TRHDE: variants seen among roughly 807,000 people sequenced by gnomAD.
TRHDE encodes the protein thyrotropin-releasing hormone-degrading ectoenzyme.
Under a neutral mutation model 125.7 loss-of-function variants are expected in TRHDE, and 72 were observed. That is an observed-to-expected ratio of 0.57 (90% CI 0.47 to 0.70). The LOEUF is 0.70. TRHDE is among the 30% of genes least tolerant of loss of function. TRHDE has a pLI of 0.00. For missense variants in TRHDE, 1,110 were observed against 1,327.1 expected (o/e 0.84, Z 2.54); for synonymous variants, 509 against 509.1 (o/e 1.00, Z 0.00).
chr12:72,197,747 C>T (rs1365720906), intron 2 of TRHDE, among the ~76,000 whole-genome samples: 1 of 152,068 alleles, frequency 6.6e-6, no homozygotes, highest in Non-Finnish European at 1.5e-5. Flanking sequence ...ACCATTTCCT[C>T]CTTTGTGTAT....
chr12:72,549,464 T>C (rs1249087939), intron 7 of TRHDE, among the ~76,000 whole-genome samples: 1 of 151,870 alleles, frequency 6.6e-6, no homozygotes, highest in African/African-American at 2.4e-5. Context: ...TCATACTCAA[T>C]CTAAAATGAA....
At position 72,667,827 on chromosome 12, in the gene TRHDE, A is replaced by G. The variant is rs1014479023; in HGVS notation, c.*4632A>G. On this transcript the variant is annotated 3_prime_UTR_variant, in exon 19 of 19. Transcript: ENST00000261180. ...TAATTGGAATATAAATTGGGATGGA[A>G]TTTATCCTTAAGAAAAGCTGTTTAA... 2.6e-5 allele frequency: 4 copies of G among 151,750 alleles called. No individual in the cohort carries two copies. Among genetic ancestry groups the G allele is most frequent in the Non-Finnish European group, 4.4e-5 (3 of 67,754 alleles). The allele number at this position is 151,750 out of a possible 1,614,324, so 9.4% of individuals were successfully genotyped here.
intron 5 of TRHDE, among the ~76,000 whole-genome samples, chr12:72,480,056 C>T (rs1877093684): frequency 6.7e-6 from 1 of 150,312 alleles, no homozygotes; most frequent in South Asian, 2.1e-4. Context: ...TTAATCCAGT[C>T]TATCATTGTT....
intron 7 of TRHDE, among the ~76,000 whole-genome samples, chr12:72,553,782 A>T (rs1869787622): frequency 6.7e-6 from 1 of 148,734 alleles, no homozygotes; most frequent in African/African-American, 2.5e-5. Context: ...TAGTACATAT[A>T]ATTTTCTTTT....
intron 12 of TRHDE, chr12:72,582,258 G>A (rs1871270422): frequency 5.1e-6 from 5 of 983,432 alleles, no homozygotes; most frequent in South Asian, 9.4e-5. Flanking sequence ...AGAAGCCTGG[G>A]AATTCAGCAT....
intron 12 of TRHDE, among the ~76,000 whole-genome samples, chr12:72,592,749 T>A (rs1871742685): frequency 2.0e-5 from 3 of 151,746 alleles, no homozygotes; most frequent in African/African-American, 7.3e-5. Flanking sequence ...TCACTCTTGC[T>A]ACTCAGGCTG....
intron 2 of TRHDE, among the ~76,000 whole-genome samples, chr12:72,209,904 G>A (rs1877740341): frequency 6.6e-6 from 1 of 152,104 alleles, no homozygotes; most frequent in East Asian, 1.9e-4. Context: ...CTGCTTGAAT[G>A]TTTATTATCA....
At chr12:72,253,310 G>A (rs1878727215) in intron 2 of TRHDE, among the ~76,000 whole-genome samples, 2 of 151,964 alleles carry the variant, frequency 1.3e-5, no homozygotes, top group Admixed American at 6.6e-5. Flanking sequence ...TCTGCACACA[G>A]GGACTATTTT....
intron 3 of TRHDE, among the ~76,000 whole-genome samples, chr12:72,385,743 T>C (rs928959797): frequency 2.0e-5 from 3 of 152,164 alleles, no homozygotes; most frequent in Non-Finnish European, 2.9e-5. Context: ...TTGTAGCTAT[T>C]ACATGCTGTA....
chr12:72,392,674 A>G (rs1454366868), intron 3 of TRHDE, among the ~76,000 whole-genome samples: 1 of 152,202 alleles, frequency 6.6e-6, no homozygotes, highest in African/African-American at 2.4e-5. Flanking sequence ...CTTGTTTACT[A>G]AAACAGATGG....
At chr12:72,511,831 G>T (rs1878593005) in intron 6 of TRHDE, among the ~76,000 whole-genome samples, 1 of 152,028 alleles carries the variant, frequency 6.6e-6, no homozygotes, top group African/African-American at 2.4e-5. Flanking sequence ...GTCCATCTCT[G>T]ATTTGGCATT....
intron 5 of TRHDE, among the ~76,000 whole-genome samples, chr12:72,491,045 T>C (rs1443522745): frequency 6.6e-6 from 1 of 151,642 alleles, no homozygotes; most frequent in African/African-American, 2.4e-5. Context: ...GTTAATTTGC[T>C]TCACTATAGT....
At chr12:72,256,497 AC>A (rs986895011) in intron 2 of TRHDE, 2 of 151,340 alleles carry the variant, frequency 1.3e-5, no homozygotes, top group Non-Finnish European at 2.9e-5. Context: ...TATCTATTTT[AC>A]TTCATTTTAA....
intron 2 of TRHDE, among the ~76,000 whole-genome samples, chr12:72,339,889 TG>T (rs763003654): frequency 6.6e-6 from 1 of 152,120 alleles, no homozygotes; most frequent in Non-Finnish European, 1.5e-5. Flanking sequence ...TTTATCTCCC[TG>T]GGAGAGAAGG....
At chr12:72,546,820 G>T (rs972548030) in intron 7 of TRHDE, among the ~76,000 whole-genome samples, 1 of 151,618 alleles carries the variant, frequency 6.6e-6, no homozygotes, top group African/African-American at 2.4e-5. Flanking sequence ...ATTCTCAGCT[G>T]CCTAGAGTAC....
At chr12:72,566,297 A>T (rs562010017) in intron 9 of TRHDE, among the ~76,000 whole-genome samples, 1 of 152,070 alleles carries the variant, frequency 6.6e-6, no homozygotes, top group East Asian at 1.9e-4. Context: ...GTAGAGAAAA[A>T]TTATTCTTAG....
intron 5 of TRHDE, among the ~76,000 whole-genome samples, chr12:72,481,310 C>T (rs1383219556): frequency 1.6e-5 from 2 of 128,628 alleles, no homozygotes; most frequent in Non-Finnish European, 3.2e-5. Flanking sequence ...GTAGTGAGTT[C>T]AAGTGATAGA....
intron 2 of TRHDE, among the ~76,000 whole-genome samples, chr12:72,374,343 G>C (rs918848357): frequency 8.8e-5 from 13 of 148,524 alleles, no homozygotes; most frequent in Non-Finnish European, 1.6e-4. Context: ...GATATCAGGA[G>C]TTTGGTTTTA....
rs539257154 is a variant in TRHDE at position 72,571,171 on chromosome 12, T to C, written c.2131+2515T>C. Among the ~76,000 whole-genome samples the C allele has an allele frequency of 2.2e-3, 335 of 152,282 alleles. 2 individuals carry two copies. The highest frequency in any genetic ancestry group is 7.5e-3 in the African/African-American group (313 of 41,570). On this transcript the variant is annotated intron_variant, in intron 10 of 18. Transcript: ENST00000261180. Reference sequence around the variant, plus strand: ...AAAATTAGGAAAAAAAGATAAAAGATTGTTAATTTTTGTTTCCTTTTGTGT... The same window carrying C: ...AAAATTAGGAAAAAAAGATAAAAGACTGTTAATTTTTGTTTCCTTTTGTGT...
Sources: allele counts gnomAD v4.1 joint callset (sites outside exome capture counted in the v4.1 genomes callset), GRCh38; gene constraint gnomAD v4.1.1; transcripts MANE v1.5; gene names NCBI Gene and HGNC (gene_info 2026-07-23, HGNC 2026-07-21).